Variants in NEURL1B observed in about 807,000 individuals in gnomAD.
The protein encoded by NEURL1B is E3 ubiquitin-protein ligase NEURL1B.
NEURL1B carries 13 observed loss-of-function variants against 37.4 expected under a neutral mutation model. The ratio of observed to expected loss-of-function variants is 0.35; its 90% CI spans 0.23 to 0.55. NEURL1B has a LOEUF of 0.55. Among genes scored for constraint, NEURL1B ranks in the 20% least tolerant of loss-of-function variants. The pLI, the probability that NEURL1B is intolerant of heterozygous loss-of-function variation, is 0.89. For synonymous variants in NEURL1B, 432 were observed against 426.6 expected, an observed-to-expected ratio of 1.01 and a Z score of -0.16; for missense variants, 790 against 879.2, an observed-to-expected ratio of 0.90 and a Z score of 1.28.
chr5:172,689,284 AG>A lies in NEURL1B; in HGVS notation c.*2363del, dbSNP rs1482027765. 1 of 152,256 alleles carries A rather than the reference AG, an allele frequency of 6.6e-6. No homozygotes were observed. Among genetic ancestry groups the A allele is most frequent in the African/African-American group, 2.4e-5 (1 of 41,472 alleles). 9.4% of individuals were successfully genotyped at this position (152,256 alleles called of 1,614,324 possible). A position where few individuals can be genotyped will look rare whatever the true frequency, so the allele number is the denominator to read the frequency against. ...GTCCCCACTATGTTCTGTCTTGAGA[AG>A]GGGACAAGAGAAAGAGGAAAAGGAG... On this transcript the variant is annotated 3_prime_UTR_variant, in exon 5 of 5. Coordinates refer to ENST00000369800, the MANE Select transcript of NEURL1B (RefSeq NM_001142651.3).
At position 172,641,703 on chromosome 5, in the gene NEURL1B, C is replaced by A. The variant is rs1477015508; in HGVS notation, c.31+266C>A. Among the ~76,000 whole-genome samples, 2 of 152,234 alleles carry A rather than the reference C, an allele frequency of 1.3e-5. No individual in the cohort carries two copies. The highest frequency in any genetic ancestry group is 6.5e-5 in the Admixed American group (1 of 15,312). Reference sequence around the variant, plus strand: ...TTGGCCAGATGCGCAAAAAGGGCCGCTGGGGCGATGCCGCGCGCCCCCTCG... The same window carrying A: ...TTGGCCAGATGCGCAAAAAGGGCCGATGGGGCGATGCCGCGCGCCCCCTCG... On this transcript the variant is annotated intron_variant, in intron 1 of 4. Transcript: ENST00000369800. The surrounding 1 kb of genome is among the most constrained non-coding windows in gnomAD (Gnocchi z 6.4).
At chr5:172,670,954 C>T (rs943154990) in intron 2 of NEURL1B, among the ~76,000 whole-genome samples, 3 of 152,182 alleles carry the variant, frequency 2.0e-5, no homozygotes, top group Admixed American at 1.3e-4. Flanking sequence ...CCGATTCTCA[C>T]GGAGGAGGCA....
chr5:172,642,197 C>T (rs1423877939), intron 1 of NEURL1B, among the ~76,000 whole-genome samples: 1 of 152,214 alleles, frequency 6.6e-6, no homozygotes, highest in East Asian at 1.9e-4. Context: ...CAGCACTTTG[C>T]ATACCCCAGC....
Position 172,684,084 on chromosome 5 carries a change from C to A in NEURL1B, c.1243C>A (p.Leu415Ile). The A allele has an allele frequency of 7.7e-7, 1 of 1,296,066 alleles. No individual in the cohort carries two copies. The highest frequency in any genetic ancestry group is 9.8e-7 in the Non-Finnish European group (1 of 1,021,882). The allele number at this position is 1,296,066 out of a possible 1,614,324, so 80.3% of individuals were successfully genotyped here. The change falls in exon 3 of 5, where the codon CTC becomes ATC. Residue 415 changes from leucine (L) to isoleucine (I), a missense_variant. Physicochemically the swap from Leu to Ile is conservative, Grantham distance 5. Coordinates refer to ENST00000369800, the MANE Select transcript of NEURL1B (RefSeq NM_001142651.3). Reference protein sequence around the residue: ...RLLCVDTTQALWAFFAVRGGV... With the variant: ...RLLCVDTTQAIWAFFAVRGGV... ...GCTGTGCGTCGACACCACGCAGGCG[C>A]TCTGGGCCTTCTTCGCCGTGCGCGG...
In NEURL1B at chr5:172,676,581, C is replaced by T. The variant is rs933168804; in HGVS notation, c.577+6251C>T. ...TGGGAGGTGGGGGTGGGGCAGTTCC[C>T]TCCAAAGAAAAGCTGGGTGCTGTTA... On this transcript the variant is annotated intron_variant, in intron 2 of 4. Transcript: ENST00000369800. This position sits in a 1 kb window ranked among gnomAD's most constrained non-coding sequence, Gnocchi z 4.5. 6.6e-6 allele frequency among the ~76,000 whole-genome samples: 1 copy of T among 152,306 alleles called. No homozygotes were observed. Among genetic ancestry groups the T allele is most frequent in the Non-Finnish European group, 1.5e-5 (1 of 68,030 alleles).
At position 172,684,080 on chromosome 5, in the gene NEURL1B, G is replaced by A. The variant is rs1249647168; in HGVS notation, c.1239G>A (p.Gln413=). Residue 413 remains glutamine (Q), a synonymous_variant, in exon 3 of 5, where the codon CAG becomes CAA. Transcript: ENST00000369800. ...RGRLLCVDTT[Q]ALWAFFAVRG... is the part of the protein sequence containing the mutation. ...GCCTGCTGTGCGTCGACACCACGCA[G>A]GCGCTCTGGGCCTTCTTCGCCGTGC... The A allele has an allele frequency of 9.2e-6, 12 of 1,304,714 alleles. No individual in the cohort carries two copies. Among genetic ancestry groups the A allele is most frequent in the Non-Finnish European group, 1.1e-5 (11 of 1,026,584 alleles). The allele number at this position is 1,304,714 out of a possible 1,614,324, so 80.8% of individuals were successfully genotyped here.
Position 172,690,868 on chromosome 5 carries a change from A to G in NEURL1B, c.*3943A>G, listed in dbSNP as rs1758639240. 1 of 152,276 alleles carries G rather than the reference A, an allele frequency of 6.6e-6. No homozygotes were observed. Among genetic ancestry groups the G allele is most frequent in the African/African-American group, 2.4e-5 (1 of 41,442 alleles). The allele number at this position is 152,276 out of a possible 1,614,324, so 9.4% of individuals were successfully genotyped here. ...GGGAGACACAGTGAGGAGGTTGGCT[A>G]ATTGCTGCTTTCAGGCCCTGGAAAT... On this transcript the variant is annotated 3_prime_UTR_variant, in exon 5 of 5. Coordinates refer to ENST00000369800, the MANE Select transcript of NEURL1B (RefSeq NM_001142651.3).
chr5:172,670,258 G>T lies in NEURL1B; in HGVS notation c.505G>T (p.Gly169Cys). ...CGGCGAGCCGGTGCTCTTCCACTGC[G>T]GCGTGGCCGTGGGCGGCCCGCTCTG... The part of the protein sequence containing the change: ...NDGEPVLFHC[G>C]VAVGGPLWAL... The change falls in exon 2 of 5, where the codon GGC becomes TGC. Residue 169 changes from glycine (G) to cysteine (C), a missense_variant. By Grantham distance (159) the Gly-to-Cys change is radical. Around this residue, in one of 3 missense-constraint regions of NEURL1B, gnomAD observed 215 missense variants for 309.2 expected, o/e 0.70. Coordinates refer to ENST00000369800, the MANE Select transcript of NEURL1B (RefSeq NM_001142651.3). 4 of 1,392,530 alleles carry T rather than the reference G, an allele frequency of 2.9e-6. No individual in the cohort carries two copies. Among genetic ancestry groups the T allele is most frequent in the Non-Finnish European group, 2.8e-6 (3 of 1,077,724 alleles). 86.3% of individuals were successfully genotyped at this position (1,392,530 alleles called of 1,614,324 possible).
chr5:172,647,742 C>T lies in NEURL1B; in HGVS notation c.31+6305C>T, dbSNP rs1437026236. Among the ~76,000 whole-genome samples, 2 of 152,012 alleles carry T rather than the reference C, an allele frequency of 1.3e-5. No individual in the cohort carries two copies. The highest frequency in any genetic ancestry group is 1.3e-4 in the Admixed American group (2 of 15,278). On this transcript the variant is annotated intron_variant, in intron 1 of 4. Coordinates refer to ENST00000369800, the MANE Select transcript of NEURL1B (RefSeq NM_001142651.3). The surrounding 1 kb of genome is among the most constrained non-coding windows in gnomAD (Gnocchi z 4.2). ...CCACCTCACCCCAGGCCTGTAGACT[C>T]TGGAACTCAAAAGCTGGATGTGGCC...
chr5:172,663,520 C>CAA (rs34033673), intron 1 of NEURL1B, among the ~76,000 whole-genome samples: 3,865 of 110,624 alleles, frequency 0.035, 141 homozygotes, highest in African/African-American at 0.12. Context: ...GACTCCATCT[C>CAA]AAAAAAAAAA....
At position 172,676,544 on chromosome 5, in the gene NEURL1B, C is replaced by G. The variant is rs1758235202; in HGVS notation, c.577+6214C>G. Among the ~76,000 whole-genome samples, 1 of 152,216 alleles carries G rather than the reference C, an allele frequency of 6.6e-6. No homozygotes were observed. Among genetic ancestry groups the G allele is most frequent in the Non-Finnish European group, 1.5e-5 (1 of 68,046 alleles). ...GGCCAGGTTAAGGCCCCCCTCCTGA[C>G]TCCTGAGGCAATGGGAGGTGGGGGT... On this transcript the variant is annotated intron_variant, in intron 2 of 4. Coordinates refer to ENST00000369800, the MANE Select transcript of NEURL1B (RefSeq NM_001142651.3). This position sits in a 1 kb window ranked among gnomAD's most constrained non-coding sequence, Gnocchi z 4.5.
intron 1 of NEURL1B, among the ~76,000 whole-genome samples, chr5:172,643,752 C>T (rs534272196): frequency 2.2e-4 from 33 of 152,200 alleles, no homozygotes; most frequent in Non-Finnish European, 3.7e-4. Flanking sequence ...TGCTTTCGTT[C>T]TCAGGAAAAG....
chr5:172,680,495 A>G (rs534830360), intron 2 of NEURL1B, among the ~76,000 whole-genome samples: 3 of 152,220 alleles, frequency 2.0e-5, no homozygotes, highest in Non-Finnish European at 4.4e-5. Context: ...GGAGCCTGGG[A>G]AAAGTGCATT....
chr5:172,656,417 T>C (rs1055194557), intron 1 of NEURL1B: 4 of 804,244 alleles, frequency 5.0e-6, no homozygotes, highest in Non-Finnish European at 7.9e-6. Flanking sequence ...AGACAACACT[T>C]AATTCCAGCT....
chr5:172,684,232 G>C, intron 3 of NEURL1B, 94 bp downstream of exon 3: 1 of 1,016,058 alleles, frequency 9.8e-7, no homozygotes, highest in South Asian at 4.9e-5. Flanking sequence ...CGCCCCTCTC[G>C]CTAGGCGCTG....
In NEURL1B at chr5:172,690,097, T is replaced by C. The variant is rs1758612915; in HGVS notation, c.*3172T>C. On this transcript the variant is annotated 3_prime_UTR_variant, in exon 5 of 5. Transcript: ENST00000369800. ...GCTGTTCCAGGCTCACTGCCCATGG[T>C]GTGCTCTTCTGGGCCACAGCAGCCA... 6.6e-6 allele frequency: 1 copy of C among 152,458 alleles called. No homozygotes were observed. Among genetic ancestry groups the C allele is most frequent in the East Asian group, 1.9e-4 (1 of 5,176 alleles). The allele number at this position is 152,458 out of a possible 1,614,324, so 9.4% of individuals were successfully genotyped here.
At chr5:172,682,134 TAAAC>T (rs1303006232) in intron 2 of NEURL1B, among the ~76,000 whole-genome samples, 1 of 152,186 alleles carries the variant, frequency 6.6e-6, no homozygotes, top group Non-Finnish European at 1.5e-5. Flanking sequence ...AGGCAGAAAA[TAAAC>T]AGGTAATCTA....
chr5:172,664,451 G>A (rs564769973), intron 1 of NEURL1B, among the ~76,000 whole-genome samples: 1 of 147,094 alleles, frequency 6.8e-6, no homozygotes, highest in East Asian at 2.2e-4. Context: ...AATGAAAAAT[G>A]CAGAGACAGG....
rs1264520782 is a variant in NEURL1B at position 172,641,904 on chromosome 5, C to T, written c.31+467C>T. 6.6e-6 allele frequency among the ~76,000 whole-genome samples: 1 copy of T among 152,056 alleles called. No individual in the cohort carries two copies. Among genetic ancestry groups the T allele is most frequent in the Non-Finnish European group, 1.5e-5 (1 of 68,002 alleles). On this transcript the variant is annotated intron_variant, in intron 1 of 4. Transcript: ENST00000369800. The surrounding 1 kb of genome is among the most constrained non-coding windows in gnomAD (Gnocchi z 6.4). ...CACCCCAGTTTCCAGCCTCCCAGCG[C>T]CCCCGCGGCACATGCTGCCGTGCTT...
Sources: allele counts gnomAD v4.1 joint callset (sites outside exome capture counted in the v4.1 genomes callset), GRCh38; gene constraint gnomAD v4.1.1; regional missense constraint gnomAD v4.1.1; non-coding constraint Gnocchi (gnomAD v3.1); transcripts MANE v1.5; gene names NCBI Gene and HGNC (gene_info 2026-07-23, HGNC 2026-07-21).